TBXAS1: variants seen among roughly 807,000 people sequenced by gnomAD.
TBXAS1 encodes thromboxane A synthase 1.
A neutral mutation model predicts 60.7 loss-of-function variants in TBXAS1; 48 were observed. The ratio of observed to expected loss-of-function variants is 0.79; its 90% CI spans 0.63 to 1.01. TBXAS1 has a LOEUF of 1.01. Ranked by LOEUF, TBXAS1 falls within the 50% of genes least tolerant of loss-of-function variation. The probability of loss-of-function intolerance (pLI) is 0.00; values close to 1 mark genes in which losing one functional copy is unlikely to be tolerated. For missense variants in TBXAS1, 685 were observed against 686.3 expected (o/e 1.00, Z 0.02); for synonymous variants, 287 against 269.7 (o/e 1.06, Z -0.63).
chr7:139,839,726 C>G (rs71543347), intron 1 of TBXAS1, among the ~76,000 whole-genome samples: 2,440 of 146,994 alleles, frequency 0.017, 31 homozygotes, highest in Non-Finnish European at 0.027. Flanking sequence ...TGTGGTGGTG[C>G]GAGTCTGTAA....
At chr7:139,966,847 T>C (rs937192413) in intron 9 of TBXAS1, among the ~76,000 whole-genome samples, 1 of 151,884 alleles carries the variant, frequency 6.6e-6, no homozygotes, top group African/African-American at 2.4e-5. Flanking sequence ...GGAGGAGAGG[T>C]CTGTTTTTTC....
intron 4 of TBXAS1, among the ~76,000 whole-genome samples, chr7:139,920,413 C>G (rs946381604): frequency 4.6e-5 from 7 of 152,180 alleles, no homozygotes; most frequent in Admixed American, 2.0e-4. Flanking sequence ...AAACAAAGGG[C>G]CCATAGGCCC....
intron 9 of TBXAS1, among the ~76,000 whole-genome samples, chr7:139,968,125 A>G (rs568938748): frequency 3.8e-4 from 58 of 152,300 alleles, no homozygotes; most frequent in Non-Finnish European, 7.4e-4. Flanking sequence ...TGGCGCATAT[A>G]AAGATACTCA....
rs564404848 is a variant in TBXAS1, at chr7:139,877,572, G to A, written c.236+1935G>A. 1.3e-4 allele frequency among the ~76,000 whole-genome samples: 19 copies of A among 151,808 alleles called. No individual in the cohort carries two copies. In the South Asian group the frequency reaches 3.3e-3, roughly 27 times the overall value. On this transcript the variant is annotated intron_variant, in intron 3 of 12. Coordinates refer to ENST00000448866, the MANE Select transcript of TBXAS1 (RefSeq NM_001061.7). ...TGGGCAGCTGGGATTACAGGCGCCC[G>A]CCACCATGCCTGGCTAATTTTTGTA...
chr7:139,919,069 T>C (rs114376639), intron 4 of TBXAS1, among the ~76,000 whole-genome samples: 1,883 of 152,288 alleles, frequency 0.012, 29 homozygotes, highest in African/African-American at 0.043. Context: ...TTCAAATCTT[T>C]GTACAGCCAG....
chr7:139,927,316 G>C (rs961397366), intron 4 of TBXAS1, among the ~76,000 whole-genome samples: 15 of 151,994 alleles, frequency 9.9e-5, no homozygotes, highest in African/African-American at 3.6e-4. Flanking sequence ...TATGTTTTTA[G>C]ATTTGAAGTT....
intron 8 of TBXAS1, among the ~76,000 whole-genome samples, chr7:139,958,939 A>C (rs1010084953): frequency 6.6e-6 from 1 of 152,162 alleles, no homozygotes; most frequent in Non-Finnish European, 1.5e-5. Context: ...AGCCAGGGGG[A>C]GAAGGGATAA....
At chr7:139,829,838 T>C (rs1328985836) in intron 1 of TBXAS1, among the ~76,000 whole-genome samples, 1 of 152,208 alleles carries the variant, frequency 6.6e-6, no homozygotes, top group Non-Finnish European at 1.5e-5. Flanking sequence ...CTGTCCTTGT[T>C]GGATTTACAG....
intron 4 of TBXAS1, among the ~76,000 whole-genome samples, chr7:139,822,391 C>G (rs1229276620): frequency 6.6e-6 from 1 of 152,128 alleles, no homozygotes; most frequent in African/African-American, 2.4e-5. Context: ...CCCTTCTCAG[C>G]ACTCTACCTG....
rs142369805 is a variant in TBXAS1, at chr7:139,845,636, G to A, written c.89+16157G>A. Among the ~76,000 whole-genome samples the A allele has an allele frequency of 5.8e-4, 88 of 152,170 alleles. No homozygotes were observed. The East Asian group carries it at 0.014, about 24-fold the overall frequency. ...CACACTTCTGTTGAGTAATAGGCACGCAGTTACTTGTTGAACCAAACTGCG... is the reference window on the plus strand; with the variant it reads ...CACACTTCTGTTGAGTAATAGGCACACAGTTACTTGTTGAACCAAACTGCG... On this transcript the variant is annotated intron_variant, in intron 1 of 12. Transcript: ENST00000448866.
chr7:139,807,149 C>T (rs1259444903), intron 4 of TBXAS1, among the ~76,000 whole-genome samples: 1 of 152,232 alleles, frequency 6.6e-6, no homozygotes. Context: ...GCCTCCAGCG[C>T]CAGCTCTTCC....
In TBXAS1 at chr7:140,007,105, C is replaced by A. The variant is rs368716167; in HGVS notation, c.1149C>A (p.Phe383Leu). Residue 383 changes from phenylalanine (F) to leucine (L), a missense_variant, in exon 10 of 13, where the codon TTC becomes TTA. Coordinates refer to ENST00000448866, the MANE Select transcript of TBXAS1 (RefSeq NM_001061.7). ...CCCTCCATCAGATGGCCCCTGAGTT[C>A]TGCAGCCTCGAGGAAGGCCTGCCCT... ...VFKEKHMAPE[F>L]CSLEEGLPYL... 41 of 1,614,086 alleles carry A rather than the reference C, an allele frequency of 2.5e-5. No individual in the cohort carries two copies. The African/African-American group carries it at 5.2e-4, about 20-fold the overall frequency.
intron 8 of TBXAS1, among the ~76,000 whole-genome samples, chr7:139,959,198 G>T (rs1159204889): frequency 1.3e-5 from 2 of 152,130 alleles, no homozygotes; most frequent in Non-Finnish European, 2.9e-5. Flanking sequence ...ACAATGAGTT[G>T]ATCTGAGAAA....
intron 3 of TBXAS1, among the ~76,000 whole-genome samples, chr7:139,906,911 A>G (rs1166890780): frequency 2.0e-5 from 3 of 152,242 alleles, no homozygotes; most frequent in East Asian, 3.9e-4. Context: ...ACCTTGCTGA[A>G]CTCACTTATT....
intron 3 of TBXAS1, among the ~76,000 whole-genome samples, chr7:139,784,131 G>T (rs1188923525): frequency 6.9e-6 from 1 of 145,318 alleles, no homozygotes; most frequent in African/African-American, 2.5e-5. Context: ...CTGCCTTCCT[G>T]CCTGCCTGCC....
chr7:139,778,809 G>A lies in TBXAS1; in HGVS notation c.-318+338G>A, dbSNP rs1036038292. Among the ~76,000 whole-genome samples, 4 of 152,186 alleles carry A rather than the reference G, an allele frequency of 2.6e-5. No homozygotes were observed. The highest frequency in any genetic ancestry group is 5.9e-5 in the Non-Finnish European group (4 of 68,030). ...CTCTCCAGACTCTCCCCAGCCGGGAGCCTCTCCAGGTTTGCTTCTCCAGCT... is the reference window on the plus strand; with the variant it reads ...CTCTCCAGACTCTCCCCAGCCGGGAACCTCTCCAGGTTTGCTTCTCCAGCT... On this transcript the variant is annotated intron_variant, in intron 1 of 16. Transcript: ENST00000336425. The surrounding 1 kb of genome is among the most constrained non-coding windows in gnomAD (Gnocchi z 4.8).
chr7:139,870,378 T>C (rs1801729212), intron 1 of TBXAS1, among the ~76,000 whole-genome samples: 1 of 152,222 alleles, frequency 6.6e-6, no homozygotes. Flanking sequence ...TAGAGATTAC[T>C]TTTAGAAAAT....
At chr7:139,862,361 T>C (rs1465033787) in intron 1 of TBXAS1, among the ~76,000 whole-genome samples, 1 of 152,092 alleles carries the variant, frequency 6.6e-6, no homozygotes, top group African/African-American at 2.4e-5. Context: ...GAAGGAGGAA[T>C]GTTCATCTCT....
chr7:139,851,259 C>G (rs1487799034), intron 1 of TBXAS1, among the ~76,000 whole-genome samples: 2 of 152,206 alleles, frequency 1.3e-5, no homozygotes, highest in Non-Finnish European at 2.9e-5. Context: ...TCAGACAGCT[C>G]AGGAGGCCTG....
Sources: allele counts gnomAD v4.1 joint callset (sites outside exome capture counted in the v4.1 genomes callset), GRCh38; gene constraint gnomAD v4.1.1; non-coding constraint Gnocchi (gnomAD v3.1); transcripts MANE v1.5; gene names NCBI Gene and HGNC (gene_info 2026-07-23, HGNC 2026-07-21).